BABAM2: variants seen among roughly 807,000 people sequenced by gnomAD.
BABAM2 encodes the protein BRISC and BRCA1-A complex member 2.
In BABAM2, 31 loss-of-function variants were observed where a neutral mutation model predicts 54.7. The observed-to-expected ratio is 0.57, with a 90% CI of 0.43 to 0.77. BABAM2 has a LOEUF of 0.77. BABAM2 is among the 30% of genes least tolerant of loss of function. The pLI is 0.00. For synonymous variants in BABAM2, 167 were observed against 162.9 expected (o/e 1.03, Z -0.19); for missense variants, 364 against 455.8 (o/e 0.80, Z 1.83).
At chr2:28,008,202 G>A (rs1180642300) in intron 4 of BABAM2, among the ~76,000 whole-genome samples, 1 of 152,124 alleles carries the variant, frequency 6.6e-6, no homozygotes, top group Non-Finnish European at 1.5e-5. Context: ...GCAATAAATA[G>A]GAGAGGTTTC....
chr2:27,938,245 C>T (rs1488808907), intron 3 of BABAM2, among the ~76,000 whole-genome samples: 1 of 152,208 alleles, frequency 6.6e-6, no homozygotes, highest in Non-Finnish European at 1.5e-5. Flanking sequence ...CTACAATCAA[C>T]ATAATATTCG....
chr2:27,894,757 C>G, intron 2 of BABAM2, 73 bp downstream of exon 2: 1 of 1,557,046 alleles, frequency 6.4e-7, no homozygotes, highest in African/African-American at 1.4e-5. Context: ...CCCTTCCTTA[C>G]CAGACTCATA....
chr2:28,043,616 C>G lies in BABAM2; in HGVS notation c.496-2109C>G, dbSNP rs371729791. Among the ~76,000 whole-genome samples, 25 of 152,252 alleles carry G rather than the reference C, an allele frequency of 1.6e-4. No individual in the cohort carries two copies. The South Asian group carries it at 5.2e-3, about 32-fold the overall frequency. On this transcript the variant is annotated intron_variant, in intron 5 of 11. Coordinates refer to ENST00000379624, the MANE Select transcript of BABAM2 (RefSeq NM_199191.3). ...CACTTACCCCTTTCAAAGTATGACCCCTTGTACTTAAAAACAGACCTTTTT... is the reference window on the plus strand; with the variant it reads ...CACTTACCCCTTTCAAAGTATGACCGCTTGTACTTAAAAACAGACCTTTTT...
intron 6 of BABAM2, among the ~76,000 whole-genome samples, chr2:28,097,728 C>T (rs1045994749): frequency 1.3e-5 from 2 of 152,012 alleles, no homozygotes; most frequent in Non-Finnish European, 2.9e-5. Context: ...CTCTCTCTTC[C>T]ACAGTTGGAG....
At chr2:27,986,496 C>T (rs1414128276) in intron 3 of BABAM2, among the ~76,000 whole-genome samples, 1 of 151,882 alleles carries the variant, frequency 6.6e-6, no homozygotes, top group African/African-American at 2.4e-5. Context: ...ATATGAGTGA[C>T]ATTTTGGAGG....
intron 7 of BABAM2, among the ~76,000 whole-genome samples, chr2:28,201,740 C>A (rs1218566969): frequency 6.6e-6 from 1 of 152,164 alleles, no homozygotes; most frequent in East Asian, 1.9e-4. Flanking sequence ...TCCTCCACAG[C>A]CTCTTGCCAG....
At chr2:28,137,290 G>C (rs1670635828) in intron 7 of BABAM2, among the ~76,000 whole-genome samples, 1 of 152,132 alleles carries the variant, frequency 6.6e-6, no homozygotes, top group South Asian at 2.1e-4. Flanking sequence ...CTCCTGGAGA[G>C]TTTTTTTCTT....
chr2:28,267,594 T>C (rs1310506554), intron 10 of BABAM2, among the ~76,000 whole-genome samples: 1 of 152,246 alleles, frequency 6.6e-6, no homozygotes, highest in African/African-American at 2.4e-5. Context: ...GTGGTCATTA[T>C]GGATGAAAGG....
At chr2:28,037,241 T>G (rs1175666917) in intron 5 of BABAM2, among the ~76,000 whole-genome samples, 1 of 152,140 alleles carries the variant, frequency 6.6e-6, no homozygotes, top group Non-Finnish European at 1.5e-5. Flanking sequence ...CTAGTATAGA[T>G]TTTCAGAGTT....
chr2:28,258,776 C>G (rs1684215725), intron 10 of BABAM2, among the ~76,000 whole-genome samples: 1 of 151,246 alleles, frequency 6.6e-6, no homozygotes, highest in Admixed American at 6.6e-5. Context: ...CCATGCCTGG[C>G]TAATTTTTTT....
intron 6 of BABAM2, among the ~76,000 whole-genome samples, chr2:28,109,506 G>A (rs1335530579): frequency 6.6e-6 from 1 of 151,994 alleles, no homozygotes; most frequent in African/African-American, 2.4e-5. Flanking sequence ...TACTCTTAAG[G>A]TACATTTGAT....
intron 6 of BABAM2, among the ~76,000 whole-genome samples, chr2:28,119,278 C>T (rs927481359): frequency 2.6e-5 from 4 of 152,100 alleles, no homozygotes; most frequent in Non-Finnish European, 4.4e-5. Context: ...GGGGAAACTC[C>T]ACACTCCAGA....
intron 7 of BABAM2, chr2:28,233,055 C>A (rs950963603): frequency 1.2e-5 from 4 of 326,436 alleles, no homozygotes; most frequent in Non-Finnish European, 2.6e-5. Flanking sequence ...TAAGAATGAT[C>A]AACTAATTTC....
At chr2:28,195,750 C>CGAT (rs1237772606) in intron 7 of BABAM2, among the ~76,000 whole-genome samples, 4 of 152,176 alleles carry the variant, frequency 2.6e-5, no homozygotes, top group Non-Finnish European at 5.9e-5. Flanking sequence ...CACAGGCCAT[C>CGAT]AGCAGAAATG....
intron 10 of BABAM2, among the ~76,000 whole-genome samples, chr2:28,284,135 A>T (rs1293233569): frequency 6.6e-6 from 1 of 152,206 alleles, no homozygotes; most frequent in Non-Finnish European, 1.5e-5. Flanking sequence ...TAAATTTCAG[A>T]ATAATATGAC....
chr2:28,317,458 T>G (rs1201662164), intron 11 of BABAM2, among the ~76,000 whole-genome samples: 1 of 152,208 alleles, frequency 6.6e-6, no homozygotes. Flanking sequence ...TTCAATGGTG[T>G]CACTGGCAAG....
chr2:28,306,913 G>A (rs998798901), intron 11 of BABAM2, among the ~76,000 whole-genome samples: 1 of 147,510 alleles, frequency 6.8e-6, no homozygotes, highest in African/African-American at 2.5e-5. Flanking sequence ...GGCCAGACTG[G>A]TCTTGAACTC....
At chr2:28,228,690 T>C (rs1004853820) in intron 7 of BABAM2, among the ~76,000 whole-genome samples, 1 of 152,210 alleles carries the variant, frequency 6.6e-6, no homozygotes, top group Non-Finnish European at 1.5e-5. Flanking sequence ...CTTACCCTTT[T>C]CGTGTCTTGA....
chr2:28,099,943 A>C (rs1307639504), intron 6 of BABAM2, among the ~76,000 whole-genome samples: 1 of 152,176 alleles, frequency 6.6e-6, no homozygotes, highest in Non-Finnish European at 1.5e-5. Context: ...CTAATTAAAA[A>C]AAAATTTCTA....
Sources: gnomAD v4.1 joint callset for allele counts (sites outside exome capture counted in the v4.1 genomes callset) on GRCh38, gnomAD v4.1.1 for gene constraint, MANE v1.5 for transcripts, NCBI Gene and HGNC (gene_info 2026-07-23, HGNC 2026-07-21) for gene names.